Variants in CRPPA observed in about 807,000 individuals in gnomAD.
CRPPA encodes the protein D-ribitol-5-phosphate cytidylyltransferase.
In CRPPA, 43 loss-of-function variants were observed where a neutral mutation model predicts 52.0. The ratio of observed to expected loss-of-function variants is 0.83; its 90% confidence interval spans 0.65 to 1.07. CRPPA has a LOEUF of 1.07. Ranked by LOEUF, CRPPA falls within the 50% of genes least tolerant of loss-of-function variation. CRPPA has a pLI of 0.00. For missense variants in CRPPA, 629 were observed against 551.7 expected (o/e 1.14, Z -1.40); for synonymous variants, 250 against 203.5 (o/e 1.23, Z -1.94).
chr7:16,087,715 C>T lies in CRPPA; in HGVS notation c.*3980G>A, dbSNP rs1057056453. ...ACCACCTACACAGCTACTTCTAGTC[C>T]ACTGATTTTAAGCCATACTAACAAA... On this transcript the variant is annotated 3_prime_UTR_variant, in exon 10 of 10. Coordinates refer to ENST00000407010, the MANE Select transcript of CRPPA (RefSeq NM_001101426.4). 4.6e-5 allele frequency: 7 copies of T among 152,188 alleles called. No individual in the cohort carries two copies. The East Asian group carries it at 1.3e-3, about 29-fold the overall frequency. The allele number at this position is 152,188 out of a possible 1,614,324, so 9.4% of individuals were successfully genotyped here.
chr7:16,392,532 T>C (rs1320263572), intron 2 of CRPPA, among the ~76,000 whole-genome samples: 1 of 152,124 alleles, frequency 6.6e-6, no homozygotes, highest in Non-Finnish European at 1.5e-5. Context: ...CAATCCTTGC[T>C]CTGAAAGGGT....
intron 4 of CRPPA, among the ~76,000 whole-genome samples, chr7:16,306,544 T>C (rs1784916064): frequency 6.6e-6 from 1 of 152,200 alleles, no homozygotes; most frequent in Non-Finnish European, 1.5e-5. Context: ...CTTTACAAAC[T>C]TGATGAGGGC....
chr7:16,183,106 T>C (rs1781443380), intron 9 of CRPPA, among the ~76,000 whole-genome samples: 1 of 152,004 alleles, frequency 6.6e-6, no homozygotes, highest in Non-Finnish European at 1.5e-5. Flanking sequence ...TGTAACTAAA[T>C]GATAAGGTAG....
chr7:16,133,756 A>C (rs2128373514), intron 9 of CRPPA, among the ~76,000 whole-genome samples: 1 of 124,754 alleles, frequency 8.0e-6, no homozygotes, highest in East Asian at 3.4e-4. Flanking sequence ...ATTACCAAAC[A>C]AAAAAGCTGA....
intron 3 of CRPPA, among the ~76,000 whole-genome samples, chr7:16,366,431 T>C (rs1021075576): frequency 1.3e-5 from 2 of 152,078 alleles, no homozygotes; most frequent in African/African-American, 4.8e-5. Flanking sequence ...AAATTAAAGA[T>C]CATTAAAAGC....
At chr7:16,138,313 A>G (rs928281172) in intron 9 of CRPPA, among the ~76,000 whole-genome samples, 1 of 152,218 alleles carries the variant, frequency 6.6e-6, no homozygotes, top group Non-Finnish European at 1.5e-5. Context: ...TGTCTGTGCA[A>G]GGATAGCACT....
intron 1 of CRPPA, among the ~76,000 whole-genome samples, chr7:16,411,153 C>T (rs1176466008): frequency 2.0e-5 from 3 of 152,278 alleles, no homozygotes; most frequent in African/African-American, 7.2e-5. Flanking sequence ...GAATATTTCG[C>T]CTGCAATATC....
chr7:16,405,551 C>T (rs1191465286), intron 2 of CRPPA, among the ~76,000 whole-genome samples: 2 of 152,076 alleles, frequency 1.3e-5, no homozygotes, highest in Non-Finnish European at 2.9e-5. Flanking sequence ...AATAAACATG[C>T]TCCAAAGATT....
intron 9 of CRPPA, among the ~76,000 whole-genome samples, chr7:16,143,966 C>T (rs1317808275): frequency 6.6e-6 from 1 of 152,198 alleles, no homozygotes; most frequent in Non-Finnish European, 1.5e-5. Flanking sequence ...AGGAGGTCCT[C>T]ACGCTGAATT....
At chr7:16,148,998 AAT>A (rs751243855) in intron 9 of CRPPA, among the ~76,000 whole-genome samples, 14 of 152,170 alleles carry the variant, frequency 9.2e-5, no homozygotes, top group African/African-American at 2.9e-4. Flanking sequence ...ACTTACAAAA[AAT>A]ATGTTTTCTA....
chr7:16,240,786 G>C (rs575542873), intron 8 of CRPPA, among the ~76,000 whole-genome samples: 24 of 152,128 alleles, frequency 1.6e-4, no homozygotes, highest in Non-Finnish European at 2.9e-4. Flanking sequence ...GGAATAAGCA[G>C]GTAAGTAAAA....
chr7:16,355,699 A>G (rs1390990076), intron 3 of CRPPA, among the ~76,000 whole-genome samples: 1 of 152,144 alleles, frequency 6.6e-6, no homozygotes, highest in Non-Finnish European at 1.5e-5. Flanking sequence ...GCCATGTTGG[A>G]CTCCCAACAT....
At chr7:16,376,754 C>T (rs1022646333) in intron 2 of CRPPA, among the ~76,000 whole-genome samples, 7 of 152,194 alleles carry the variant, frequency 4.6e-5, no homozygotes, top group Non-Finnish European at 1.0e-4. Flanking sequence ...AAAAACAGTT[C>T]CTGTCAAACA....
intron 8 of CRPPA, among the ~76,000 whole-genome samples, chr7:16,231,501 T>C (rs111282931): frequency 6.6e-6 from 1 of 152,318 alleles, no homozygotes; most frequent in African/African-American, 2.4e-5. Context: ...CCATTAAATA[T>C]TTTTGATCAT....
chr7:16,311,284 T>C (rs940348767), intron 3 of CRPPA, among the ~76,000 whole-genome samples: 1 of 152,154 alleles, frequency 6.6e-6, no homozygotes, highest in Non-Finnish European at 1.5e-5. Context: ...TCACTGTAGT[T>C]ATTGTACAGA....
chr7:16,108,939 G>A (rs1166956865), intron 9 of CRPPA, among the ~76,000 whole-genome samples: 1 of 151,652 alleles, frequency 6.6e-6, no homozygotes, highest in African/African-American at 2.4e-5. Context: ...GCAGGCCTTA[G>A]GAGAAAGTTT....
intron 3 of CRPPA, among the ~76,000 whole-genome samples, chr7:16,344,358 G>A (rs1785949250): frequency 6.9e-6 from 1 of 144,400 alleles, no homozygotes; most frequent in Non-Finnish European, 1.5e-5. Flanking sequence ...CTTGAGGACA[G>A]GAGTTACAGA....
At chr7:16,094,673 G>T (rs1416927303) in intron 9 of CRPPA, among the ~76,000 whole-genome samples, 1 of 151,922 alleles carries the variant, frequency 6.6e-6, no homozygotes, top group African/African-American at 2.4e-5. Context: ...GGTAAGCAGG[G>T]TCCATATGAA....
chr7:16,167,949 C>A (rs762031207), intron 9 of CRPPA, among the ~76,000 whole-genome samples: 3 of 152,146 alleles, frequency 2.0e-5, no homozygotes, highest in African/African-American at 4.8e-5. Context: ...TATTATCCTG[C>A]GCTCTGTGTA....
Sources: gnomAD v4.1 joint callset for allele counts (sites outside exome capture counted in the v4.1 genomes callset) on GRCh38, gnomAD v4.1.1 for gene constraint, MANE v1.5 for transcripts, NCBI Gene and HGNC (gene_info 2026-07-23, HGNC 2026-07-21) for gene names.